Variants in THSD4 observed in about 807,000 individuals in gnomAD.
THSD4 encodes thrombospondin type 1 domain containing 4, also known as thrombospondin type-1 domain-containing protein 4.
A neutral mutation model predicts 119.0 loss-of-function variants in THSD4; 69 were observed. The ratio of observed to expected loss-of-function variants is 0.58; its 90% CI spans 0.48 to 0.71. The LOEUF is 0.71. Among genes scored for constraint, THSD4 ranks in the 30% least tolerant of loss-of-function variants. The pLI is 0.00. For synonymous variants in THSD4, 524 were observed against 540.4 expected (o/e 0.97, Z 0.42); for missense variants, 1,393 against 1,391.1 (o/e 1.00, Z -0.02).
intron 1 of THSD4, among the ~76,000 whole-genome samples, chr15:71,124,841 G>A (rs572250772): frequency 4.0e-5 from 6 of 151,814 alleles, no homozygotes; most frequent in Non-Finnish European, 7.4e-5. Context: ...CCAGGAGTTC[G>A]AGACCAGCCT....
intron 3 of THSD4, among the ~76,000 whole-genome samples, chr15:71,158,460 G>C (rs1460084468): frequency 6.6e-6 from 1 of 152,052 alleles, no homozygotes; most frequent in Non-Finnish European, 1.5e-5. Flanking sequence ...GCCAACACTT[G>C]TTTTCTTTTG....
At chr15:71,271,308 C>T (rs2044528041) in intron 6 of THSD4, among the ~76,000 whole-genome samples, 1 of 152,164 alleles carries the variant, frequency 6.6e-6, no homozygotes, top group African/African-American at 2.4e-5. Context: ...GAACACACTA[C>T]TGACACATGT....
chr15:71,171,121 A>C (rs1465861527), intron 3 of THSD4, among the ~76,000 whole-genome samples: 1 of 152,138 alleles, frequency 6.6e-6, no homozygotes, highest in African/African-American at 2.4e-5. Context: ...AGACAGAAAA[A>C]ATATTTGAAG....
chr15:71,325,241 A>G (rs921194392), intron 6 of THSD4, among the ~76,000 whole-genome samples: 7 of 152,212 alleles, frequency 4.6e-5, no homozygotes, highest in African/African-American at 1.4e-4. Context: ...ATACATGTAC[A>G]GGAATCATAT....
At chr15:71,681,031 G>A (rs2051765615) in intron 8 of THSD4, among the ~76,000 whole-genome samples, 1 of 148,502 alleles carries the variant, frequency 6.7e-6, no homozygotes, top group Non-Finnish European at 1.5e-5. Context: ...CAATTCTCCT[G>A]TCCCAGCCTC....
chr15:71,669,891 C>T (rs552043189), intron 8 of THSD4, among the ~76,000 whole-genome samples: 5 of 152,254 alleles, frequency 3.3e-5, no homozygotes, highest in East Asian at 1.9e-4. Flanking sequence ...AGGATAAACA[C>T]GAATTGCCTA....
chr15:71,758,090 C>A lies in THSD4; in HGVS notation c.2589+15C>A. The A allele has an allele frequency of 6.5e-7, 1 of 1,547,130 alleles. No individual in the cohort carries two copies. The highest frequency in any genetic ancestry group is 8.8e-7 in the Non-Finnish European group (1 of 1,142,842). The stretch of plus-strand genomic sequence containing the variant: ...GCTGGAGTCAGGTGAGTGGCCAGAA[C>A]TGGGTATGTCTGCCTGTGTCAGGCA... On this transcript the variant is annotated intron_variant, in intron 15 of 17. Transcript: ENST00000261862.
At chr15:71,222,115 A>G in intron 4 of THSD4, among the ~76,000 whole-genome samples, 1 of 152,080 alleles carries the variant, frequency 6.6e-6, no homozygotes. Flanking sequence ...AGCAGGGTGG[A>G]TTTCTTCCCA....
At chr15:71,226,398 A>C (rs904491343) in intron 4 of THSD4, among the ~76,000 whole-genome samples, 5 of 152,108 alleles carry the variant, frequency 3.3e-5, no homozygotes, top group Admixed American at 2.0e-4. Context: ...GCACACATGG[A>C]TGTATGTGTG....
At chr15:71,727,603 C>G (rs1297874836) in intron 8 of THSD4, among the ~76,000 whole-genome samples, 2 of 133,926 alleles carry the variant, frequency 1.5e-5, no homozygotes, top group Non-Finnish European at 3.1e-5. Context: ...CACACACACA[C>G]ACACACACAC....
intron 1 of THSD4, among the ~76,000 whole-genome samples, chr15:71,121,495 C>T (rs1411896187): frequency 6.6e-6 from 1 of 152,046 alleles, no homozygotes; most frequent in African/African-American, 2.4e-5. Context: ...TGATTGATCT[C>T]CCTTGTTTGA....
chr15:71,675,081 C>G (rs2051613412), intron 8 of THSD4, among the ~76,000 whole-genome samples: 1 of 152,162 alleles, frequency 6.6e-6, no homozygotes, highest in Admixed American at 6.5e-5. Flanking sequence ...TCCAATCCCC[C>G]TCCTTTGGTT....
chr15:71,687,155 T>G (rs1438250495), intron 8 of THSD4, among the ~76,000 whole-genome samples: 1 of 152,206 alleles, frequency 6.6e-6, no homozygotes. Context: ...TGGCATCTAT[T>G]AACCCCTAGA....
chr15:71,458,786 G>A (rs2047373948), intron 7 of THSD4, among the ~76,000 whole-genome samples: 1 of 152,336 alleles, frequency 6.6e-6, no homozygotes, highest in African/African-American at 2.4e-5. Flanking sequence ...AGAAAGCATG[G>A]AAGACATTTA....
At chr15:71,206,103 T>C (rs949061356) in intron 3 of THSD4, among the ~76,000 whole-genome samples, 2 of 152,102 alleles carry the variant, frequency 1.3e-5, no homozygotes, top group Admixed American at 1.3e-4. Context: ...GTCTCCTTCT[T>C]CAGGTTCAAG....
intron 6 of THSD4, among the ~76,000 whole-genome samples, chr15:71,361,846 G>A (rs1383086038): frequency 6.6e-6 from 1 of 152,168 alleles, no homozygotes; most frequent in African/African-American, 2.4e-5. Context: ...TGCTGATCTG[G>A]ACGAGTCACC....
chr15:71,130,268 C>T (rs1364950369), intron 1 of THSD4, among the ~76,000 whole-genome samples: 1 of 152,170 alleles, frequency 6.6e-6, no homozygotes, highest in Non-Finnish European at 1.5e-5. Flanking sequence ...TCATTGCAGC[C>T]TTGAGCTCTC....
intron 6 of THSD4, among the ~76,000 whole-genome samples, chr15:71,393,875 A>C (rs1409461616): frequency 6.6e-6 from 1 of 152,174 alleles, no homozygotes; most frequent in East Asian, 1.9e-4. Flanking sequence ...TGATTTCTAT[A>C]AGGAGTCTTC....
chr15:71,119,325 C>G (rs533365853), intron 1 of THSD4, among the ~76,000 whole-genome samples: 3 of 152,304 alleles, frequency 2.0e-5, no homozygotes, highest in South Asian at 4.1e-4. Flanking sequence ...AAGCAGGGCT[C>G]GAGAACTGGC....
Sources: gnomAD v4.1 joint callset for allele counts (sites outside exome capture counted in the v4.1 genomes callset) on GRCh38, gnomAD v4.1.1 for gene constraint, MANE v1.5 for transcripts, NCBI Gene and HGNC (gene_info 2026-07-23, HGNC 2026-07-21) for gene names.